RBFOX3: variants seen among roughly 807,000 people sequenced by gnomAD.
RBFOX3 encodes the protein RNA binding protein fox-1 homolog 3.
In RBFOX3, 17 loss-of-function variants were observed where a neutral mutation model predicts 48.7. The ratio of observed to expected loss-of-function variants is 0.35; its 90% CI spans 0.24 to 0.52. RBFOX3 has a LOEUF of 0.52. Among genes scored for constraint, RBFOX3 ranks in the 20% least tolerant of loss-of-function variants. The pLI is 0.94. For missense variants in RBFOX3, 382 were observed against 497.5 expected, an observed-to-expected ratio of 0.77 and a Z score of 2.21; for synonymous variants, 212 against 209.5, an observed-to-expected ratio of 1.01 and a Z score of -0.10.
chr17:79,616,612 T>G, the RBFOX3 span, among the ~76,000 whole-genome samples: 3 of 117,194 alleles, frequency 2.6e-5, no homozygotes, highest in African/African-American at 8.7e-5. Flanking sequence ...CACACACGTG[T>G]TACTACTTCC....
At position 79,581,089 on chromosome 17, in the gene RBFOX3, T is replaced by C. The variant is rs974907535; in HGVS notation, c.-320+29737A>G. Among the ~76,000 whole-genome samples the C allele has an allele frequency of 3.3e-5, 5 of 151,946 alleles. No homozygotes were observed. The South Asian group carries it at 8.4e-4, about 25-fold the overall frequency. On this transcript the variant is annotated intron_variant, in intron 1 of 14. Transcript: ENST00000693108. The stretch of plus-strand genomic sequence containing the variant: ...GGTGAAACCCCGTCTCTACTAAAAA[T>C]ACAAAAAAATTAGCCGGGCATGGTG...
At chr17:79,345,913 G>GT (rs1318288239) in intron 2 of RBFOX3, among the ~76,000 whole-genome samples, 3 of 151,834 alleles carry the variant, frequency 2.0e-5, no homozygotes, top group Non-Finnish European at 4.4e-5. Flanking sequence ...TATGAGATTT[G>GT]TTTTTTGTTT....
rs1038308411 is a variant in RBFOX3, at chr17:79,610,119, G to T, written c.-320+707C>A. 2.6e-5 allele frequency among the ~76,000 whole-genome samples: 4 copies of T among 151,954 alleles called. No homozygotes were observed. The East Asian group carries it at 5.9e-4, about 22-fold the overall frequency. On this transcript the variant is annotated intron_variant, in intron 1 of 14. Coordinates refer to ENST00000693108, the MANE Select transcript of RBFOX3 (RefSeq NM_001350451.2). ...CCCTGTAGGGCCCTGCGCGCCGCTC[G>T]CCCCTCGCTGCTCGGCCCCCGCGCA...
intron 2 of RBFOX3, among the ~76,000 whole-genome samples, chr17:79,334,238 C>T (rs150730259): frequency 1.5e-3 from 221 of 152,308 alleles, no homozygotes; most frequent in African/African-American, 5.1e-3. Flanking sequence ...CTAGTAGACA[C>T]TTTCACCCAG....
intron 2 of RBFOX3, among the ~76,000 whole-genome samples, chr17:79,325,793 C>A (rs1274524729): frequency 6.6e-6 from 1 of 152,204 alleles, no homozygotes; most frequent in East Asian, 1.9e-4. Flanking sequence ...TAAATCATTC[C>A]TGACGGCTGG....
At position 79,303,783 on chromosome 17, in the gene RBFOX3, G is replaced by A. The variant is rs745961937; in HGVS notation, c.-74+3941C>T. ...GCTTCCACACACTAGGTGCACGTAC[G>A]TGTGTGTATGTACCTGCGTGTGCGG... On this transcript the variant is annotated intron_variant, in intron 3 of 14. Coordinates refer to ENST00000693108, the MANE Select transcript of RBFOX3 (RefSeq NM_001350451.2). Among the ~76,000 whole-genome samples, 5 of 152,234 alleles carry A rather than the reference G, an allele frequency of 3.3e-5. No homozygotes were observed. The South Asian group carries it at 6.2e-4, about 19-fold the overall frequency.
At chr17:79,297,799 T>C (rs2074642300) in intron 3 of RBFOX3, among the ~76,000 whole-genome samples, 1 of 152,348 alleles carries the variant, frequency 6.6e-6, no homozygotes, top group African/African-American at 2.4e-5. Flanking sequence ...ACTGAGGCAC[T>C]GGGTGTTTCC....
At chr17:79,356,362 T>G (rs1305345137) in intron 2 of RBFOX3, among the ~76,000 whole-genome samples, 1 of 76,686 alleles carries the variant, frequency 1.3e-5, no homozygotes, top group East Asian at 4.8e-4. Flanking sequence ...TTTTTTTTTT[T>G]TTTTTTTTTT....
At position 79,362,661 on chromosome 17, in the gene RBFOX3, G is replaced by C. The variant is rs533489032; in HGVS notation, c.-174-54837C>G. Reference sequence around the variant, plus strand: ...ATGAGAGCCGGCCTGCCGGGCAATTGCTTCCTGTGACGGAGCCAGTTACTG... The same window carrying C: ...ATGAGAGCCGGCCTGCCGGGCAATTCCTTCCTGTGACGGAGCCAGTTACTG... On this transcript the variant is annotated intron_variant, in intron 2 of 14. Coordinates refer to ENST00000693108, the MANE Select transcript of RBFOX3 (RefSeq NM_001350451.2). The surrounding 1 kb of genome is among the most constrained non-coding windows in gnomAD (Gnocchi z 4.2). 3.9e-5 allele frequency among the ~76,000 whole-genome samples: 6 copies of C among 152,350 alleles called. No homozygotes were observed. The highest frequency in any genetic ancestry group is 1.4e-4 in the African/African-American group (6 of 41,590).
At chr17:79,241,021 G>T (rs761203171) in intron 3 of RBFOX3, among the ~76,000 whole-genome samples, 27 of 152,048 alleles carry the variant, frequency 1.8e-4, no homozygotes, top group Non-Finnish European at 4.0e-4. Context: ...TGTTGCTCAG[G>T]CTGGAGTGCA....
chr17:79,146,588 T>C (rs1056575046), intron 4 of RBFOX3, among the ~76,000 whole-genome samples: 2 of 152,218 alleles, frequency 1.3e-5, no homozygotes, highest in Non-Finnish European at 2.9e-5. Flanking sequence ...CCCAGGTGTG[T>C]GCAAAGCAGC....
In RBFOX3 at chr17:79,509,767, G is replaced by A. The variant is rs1208981443; in HGVS notation, c.-319-27169C>T. Among the ~76,000 whole-genome samples the A allele has an allele frequency of 3.3e-5, 5 of 152,094 alleles. No homozygotes were observed. The South Asian group carries it at 6.2e-4, about 19-fold the overall frequency. ...GGTTAGGGTGAGGGCTGGGAGCTCC[G>A]GGCTGTGCATGGAGGGAGAAGCCAG... On this transcript the variant is annotated intron_variant, in intron 1 of 14. Transcript: ENST00000693108.
At chr17:79,213,417 C>T (rs1007925107) in intron 4 of RBFOX3, among the ~76,000 whole-genome samples, 2 of 152,218 alleles carry the variant, frequency 1.3e-5, no homozygotes, top group Non-Finnish European at 2.9e-5. Flanking sequence ...AAAATATGCA[C>T]CCGCAACTGC....
intron 1 of RBFOX3, among the ~76,000 whole-genome samples, chr17:79,497,810 G>T (rs1193522271): frequency 6.6e-6 from 1 of 152,194 alleles, no homozygotes; most frequent in Non-Finnish European, 1.5e-5. Flanking sequence ...TGGAGCCAAT[G>T]GCCACCCCAG....
In RBFOX3 at chr17:79,249,174, A is replaced by G. The variant is rs545813476; in HGVS notation, c.-73-13369T>C. 1.2e-4 allele frequency among the ~76,000 whole-genome samples: 19 copies of G among 152,284 alleles called. No individual in the cohort carries two copies. The highest frequency in any genetic ancestry group is 4.6e-4 in the African/African-American group (19 of 41,584). The stretch of plus-strand genomic sequence containing the variant: ...CCATCTCTGGAACCACCCTGAAGCT[A>G]GGGACTCGGCTCAGGAACTGCTGCT... On this transcript the variant is annotated intron_variant, in intron 3 of 14. Coordinates refer to ENST00000693108, the MANE Select transcript of RBFOX3 (RefSeq NM_001350451.2). The surrounding 1 kb of genome is among the most constrained non-coding windows in gnomAD (Gnocchi z 4.1).
the RBFOX3 span, among the ~76,000 whole-genome samples, chr17:79,652,410 C>T: frequency 1.3e-5 from 2 of 150,670 alleles, no homozygotes; most frequent in African/African-American, 2.5e-5. Flanking sequence ...TGTACCAGTG[C>T]ACTCCAGCTG....
intron 3 of RBFOX3, among the ~76,000 whole-genome samples, chr17:79,266,885 G>T (rs879256018): frequency 1.3e-5 from 2 of 152,098 alleles, no homozygotes; most frequent in African/African-American, 2.4e-5. Context: ...GGAGCTCCGC[G>T]CTCCTGCTCA....
chr17:79,352,257 C>T (rs1023417128), intron 2 of RBFOX3, among the ~76,000 whole-genome samples: 3 of 152,182 alleles, frequency 2.0e-5, no homozygotes, highest in Non-Finnish European at 2.9e-5. Context: ...CCCCCTAGTG[C>T]TATCTCATGA....
chr17:79,270,596 A>G (rs2067491144), intron 3 of RBFOX3, among the ~76,000 whole-genome samples: 1 of 152,258 alleles, frequency 6.6e-6, no homozygotes, highest in African/African-American at 2.4e-5. Flanking sequence ...GAATAATGCA[A>G]TGGTGCCAGG....
Sources: allele counts gnomAD v4.1 joint callset (sites outside exome capture counted in the v4.1 genomes callset), GRCh38; gene constraint gnomAD v4.1.1; non-coding constraint Gnocchi (gnomAD v3.1); transcripts MANE v1.5; gene names NCBI Gene and HGNC (gene_info 2026-07-23, HGNC 2026-07-21).